The following ZFX variants were observed in gnomAD, a reference collection of about 807,000 sequenced individuals.
ZFX encodes zinc finger protein X-linked.
For missense variants in ZFX, 362 were observed against 628.3 expected, an observed-to-expected ratio of 0.58 and a Z score of 4.53; for synonymous variants, 196 against 226.8, an observed-to-expected ratio of 0.86 and a Z score of 1.22.
At position 24,156,660 on chromosome X, in the gene ZFX, C is replaced by CTTTTTTTTTTTTTTTT. The variant is rs767019753; in HGVS notation, c.-29+3841_-29+3842insTTTTTTTTTTTTTTTT. Among the ~76,000 whole-genome samples the CTTTTTTTTTTTTTTTT allele has an allele frequency of 4.8e-5, 4 of 83,547 alleles. 1 individual carries two copies. The highest frequency in any genetic ancestry group is 5.3e-5 in the African/African-American group (1 of 18,873). The allele number at this position is 83,547 out of a possible 115,157, so 72.6% of individuals were successfully genotyped here. On this transcript the variant is annotated intron_variant, in intron 3 of 9. Transcript: ENST00000304543. ...TATACTATCCTGATTTAATAATAGC[C>CTTTTTTTTTTTTTTTT]TTTTTTTTTTTGGAGACGGAGTTTT...
At chrX:24,171,816 C>G (rs914965968) in intron 3 of ZFX, among the ~76,000 whole-genome samples, 2 of 109,704 alleles carry the variant, frequency 1.8e-5, no homozygotes, top group African/African-American at 6.6e-5. Context: ...TTACTCTATT[C>G]TGTTACTCAA....
intron 5 of ZFX, among the ~76,000 whole-genome samples, chrX:24,186,487 G>A (rs1034158626): frequency 9.0e-6 from 1 of 110,808 alleles, no homozygotes; most frequent in Non-Finnish European, 1.9e-5. Context: ...AGCTGGTGTG[G>A]TGGCATGTGC....
At chrX:24,195,284 C>G (rs1254512710) in intron 5 of ZFX, among the ~76,000 whole-genome samples, 1 of 109,864 alleles carries the variant, frequency 9.1e-6, no homozygotes. Flanking sequence ...CCTCTGCCTC[C>G]CAGGTTCAAG....
At position 24,213,548 on chromosome X, in the gene ZFX, T is replaced by C. The variant is rs1206168132; in HGVS notation, c.*2172T>C. The C allele has an allele frequency of 1.8e-5, 2 of 111,559 alleles. No homozygotes were observed. Among genetic ancestry groups the C allele is most frequent in the Non-Finnish European group, 3.8e-5 (2 of 53,087 alleles). 9.2% of individuals were successfully genotyped at this position (111,559 alleles called of 1,213,427 possible). A position where few individuals can be genotyped will look rare whatever the true frequency, so the allele number is the denominator to read the frequency against. On this transcript the variant is annotated 3_prime_UTR_variant, in exon 10 of 10. Transcript: ENST00000304543. The stretch of plus-strand genomic sequence containing the variant: ...AAACCTCTGAAGTGCTAGACTGATT[T>C]AGTCTAGTTTTAAACCAAGTGCTTT...
intron 5 of ZFX, among the ~76,000 whole-genome samples, chrX:24,197,034 C>A (rs1223170460): frequency 8.9e-6 from 1 of 112,628 alleles, no homozygotes; most frequent in African/African-American, 3.2e-5. Flanking sequence ...ACATACAGTT[C>A]CTGCGTTGCA....
At chrX:24,198,353 C>T (rs993510996) in intron 5 of ZFX, among the ~76,000 whole-genome samples, 1 of 111,041 alleles carries the variant, frequency 9.0e-6, no homozygotes, top group Non-Finnish European at 1.9e-5. Context: ...CAGCCCCATA[C>T]CACCATGCCC....
At chrX:24,207,902 C>A (rs761311190) in intron 7 of ZFX, 47 bp downstream of exon 7, 2 of 1,168,951 alleles carry the variant, frequency 1.7e-6, no homozygotes, top group African/African-American at 1.8e-5. Context: ...GTTTCTGGAG[C>A]TTTTAAGTGG....
intron 4 of ZFX, among the ~76,000 whole-genome samples, chrX:24,177,076 G>A: frequency 9.0e-6 from 1 of 110,688 alleles, no homozygotes; most frequent in Non-Finnish European, 1.9e-5. Context: ...GGGACCACAG[G>A]CACGTGCCAC....
At chrX:24,204,603 C>T (rs1937512308) in intron 5 of ZFX, among the ~76,000 whole-genome samples, 2 of 111,952 alleles carry the variant, frequency 1.8e-5, no homozygotes, top group South Asian at 3.7e-4. Flanking sequence ...TTGTTTTTCA[C>T]GAAAAGAAAG....
At chrX:24,175,751 G>A (rs978947121) in intron 4 of ZFX, among the ~76,000 whole-genome samples, 6 of 110,559 alleles carry the variant, frequency 5.4e-5, no homozygotes, top group Non-Finnish European at 1.1e-4. Flanking sequence ...GCTAATTTTT[G>A]TATTTTTAGT....
At chrX:24,208,048 G>T (rs1386347815) in intron 7 of ZFX, among the ~76,000 whole-genome samples, 170 bp from the exon 8 acceptor site, 1 of 112,965 alleles carries the variant, frequency 8.9e-6, no homozygotes, top group Non-Finnish European at 1.9e-5. Flanking sequence ...AGAAGTAAAT[G>T]ATTCATTCAA....
intron 5 of ZFX, among the ~76,000 whole-genome samples, chrX:24,205,990 CTGTT>C (rs903619184): frequency 1.3e-4 from 14 of 108,880 alleles, no homozygotes; most frequent in Admixed American, 2.9e-4. Flanking sequence ...CTGTCTCTCT[CTGTT>C]TGTTCATTTT....
chrX:24,203,576 G>A (rs1937445388), intron 5 of ZFX, among the ~76,000 whole-genome samples: 1 of 112,295 alleles, frequency 8.9e-6, no homozygotes, highest in Non-Finnish European at 1.9e-5. Context: ...ACCAGATTGA[G>A]AAACCCTTGG....
intron 5 of ZFX, among the ~76,000 whole-genome samples, chrX:24,192,254 C>T (rs1213199678): frequency 1.8e-5 from 2 of 111,593 alleles, no homozygotes; most frequent in Admixed American, 9.5e-5. Context: ...TGACATCAGT[C>T]CCAAGATCAC....
Position 24,174,205 on chromosome X carries a change from G to A in ZFX, c.58+1405G>A, listed in dbSNP as rs767742768. ...TCCAGTCTGGGTGATAGCACGAGAC[G>A]CAGTCTCAAAAGAGAAAAAAAATAA... On this transcript the variant is annotated intron_variant, in intron 4 of 9. Coordinates refer to ENST00000304543, the MANE Select transcript of ZFX (RefSeq NM_003410.4). Among the ~76,000 whole-genome samples the A allele has an allele frequency of 9.7e-3, 1,065 of 109,270 alleles. 7 individuals carry two copies. Among genetic ancestry groups the A allele is most frequent in the Non-Finnish European group, 0.016 (862 of 52,490 alleles). 94.9% of individuals were successfully genotyped at this position (109,270 alleles called of 115,157 possible).
chrX:24,180,030 C>G (rs1232332434), intron 5 of ZFX, among the ~76,000 whole-genome samples: 1 of 109,874 alleles, frequency 9.1e-6, no homozygotes, highest in Non-Finnish European at 1.9e-5. Context: ...GAGTTCGAGA[C>G]CAGCCTGGCC....
intron 5 of ZFX, among the ~76,000 whole-genome samples, chrX:24,204,650 A>C (rs1449236829): frequency 8.9e-6 from 1 of 112,253 alleles, no homozygotes; most frequent in Non-Finnish European, 1.9e-5. Context: ...TGATTTTTCA[A>C]AAATCACAGT....
intron 3 of ZFX, among the ~76,000 whole-genome samples, chrX:24,171,905 G>GAGA (rs1491416209): frequency 0.031 from 1,291 of 41,899 alleles, 33 homozygotes; most frequent in African/African-American, 0.096. Context: ...AGAGAGAGAA[G>GAGA]GAGAGAGAGA....
At position 24,178,668 on chromosome X, in the gene ZFX, G is replaced by A. The variant is rs139681143; in HGVS notation, c.59-515G>A. Among the ~76,000 whole-genome samples, 606 of 109,438 alleles carry A rather than the reference G, an allele frequency of 5.5e-3. 3 individuals are homozygous for A. The highest frequency in any genetic ancestry group is 0.019 in the African/African-American group (577 of 30,009). ...GCCACCTTGGCTCACTGCAATGTCC[G>A]CCTCCCTGGTTCAAGCAGTTCTGCT... On this transcript the variant is annotated intron_variant, in intron 4 of 9. Coordinates refer to ENST00000304543, the MANE Select transcript of ZFX (RefSeq NM_003410.4).
Sources: allele counts gnomAD v4.1 joint callset (sites outside exome capture counted in the v4.1 genomes callset), GRCh38; gene constraint gnomAD v4.1.1; transcripts MANE v1.5; gene names NCBI Gene and HGNC (gene_info 2026-07-23, HGNC 2026-07-21).